The following ADAMTSL1 variants were observed in gnomAD, a reference collection of about 807,000 sequenced individuals.
ADAMTSL1 encodes ADAMTS like 1.
Under a neutral mutation model 201.8 loss-of-function variants are expected in ADAMTSL1, and 126 were observed. The observed-to-expected ratio is 0.62, with a 90% confidence interval of 0.54 to 0.72. ADAMTSL1 has a LOEUF of 0.72. Ranked by LOEUF, ADAMTSL1 falls within the 30% of genes least tolerant of loss-of-function variation. The pLI, the probability that ADAMTSL1 is intolerant of heterozygous loss-of-function variation, is 0.00. For synonymous variants in ADAMTSL1, 1,121 were observed against 903.4 expected, an observed-to-expected ratio of 1.24 and a Z score of -4.32; for missense variants, 2,679 against 2,277.8, an observed-to-expected ratio of 1.18 and a Z score of -3.59.
At chr9:18,042,000 T>C (rs10810891) in intron 1 of ADAMTSL1, among the ~76,000 whole-genome samples, 13,500 of 151,888 alleles carry the variant, frequency 0.089, 1,016 homozygotes, top group East Asian at 0.32. Flanking sequence ...ATATATTGTT[T>C]CCAGTCAGTT....
intron 16 of ADAMTSL1, among the ~76,000 whole-genome samples, chr9:18,768,285 C>A (rs1007888799): frequency 2.0e-5 from 3 of 152,284 alleles, no homozygotes; most frequent in African/African-American, 7.2e-5. Context: ...TGCAAGCACG[C>A]AGGAGTTGCT....
chr9:18,328,522 G>C (rs539262304), intron 2 of ADAMTSL1, among the ~76,000 whole-genome samples: 3 of 152,172 alleles, frequency 2.0e-5, no homozygotes, highest in African/African-American at 7.2e-5. Flanking sequence ...CCCATGTTTA[G>C]AGATGAGGAA....
At chr9:18,570,443 T>C (rs1395213194) in intron 3 of ADAMTSL1, among the ~76,000 whole-genome samples, 1 of 152,228 alleles carries the variant, frequency 6.6e-6, no homozygotes, top group Non-Finnish European at 1.5e-5. Flanking sequence ...TCAATGGATG[T>C]CTTAAACTAT....
At chr9:18,344,958 C>T (rs901361778) in intron 2 of ADAMTSL1, among the ~76,000 whole-genome samples, 2 of 152,246 alleles carry the variant, frequency 1.3e-5, no homozygotes, top group Non-Finnish European at 2.9e-5. Context: ...CTTTTGACAG[C>T]CCTGTGGATA....
chr9:18,758,114 C>A (rs909883210), intron 16 of ADAMTSL1, among the ~76,000 whole-genome samples: 1 of 152,198 alleles, frequency 6.6e-6, no homozygotes, highest in African/African-American at 2.4e-5. Context: ...CACTTGGCCT[C>A]TCTTGAGCCT....
intron 1 of ADAMTSL1, among the ~76,000 whole-genome samples, chr9:18,142,287 CA>C: frequency 6.6e-6 from 1 of 152,340 alleles, no homozygotes; most frequent in African/African-American, 2.4e-5. Flanking sequence ...AAGCAGCACC[CA>C]TATTCCTTTC....
At chr9:18,648,933 C>A (rs1430353667) in intron 7 of ADAMTSL1, among the ~76,000 whole-genome samples, 1 of 152,142 alleles carries the variant, frequency 6.6e-6, no homozygotes, top group Non-Finnish European at 1.5e-5. Flanking sequence ...GAATGTTGGC[C>A]TGCCTTGCTA....
intron 26 of ADAMTSL1, among the ~76,000 whole-genome samples, chr9:18,901,746 C>A (rs1217752167): frequency 6.6e-6 from 1 of 151,984 alleles, no homozygotes; most frequent in African/African-American, 2.4e-5. Flanking sequence ...GAGGGAATTA[C>A]AGGGGAAAGC....
rs1161505527 is a variant in ADAMTSL1 at position 18,236,882 on chromosome 9, G to A, written c.207+72901G>A. 1.3e-5 allele frequency among the ~76,000 whole-genome samples: 2 copies of A among 152,210 alleles called. 1 individual carries two copies. The highest frequency in any genetic ancestry group is 1.3e-4 in the Admixed American group (2 of 15,290). ...TGTCTTATCTTAAAGAAATACAAAGGATCTGGTTCAGGAAACTTCCAGATT... is the reference window on the plus strand; with the variant it reads ...TGTCTTATCTTAAAGAAATACAAAGAATCTGGTTCAGGAAACTTCCAGATT... On this transcript the variant is annotated intron_variant, in intron 2 of 29. Coordinates refer to the ADAMTSL1 transcript ENST00000680146.
At chr9:18,413,694 C>G (rs991296323) in intron 2 of ADAMTSL1, among the ~76,000 whole-genome samples, 1 of 152,148 alleles carries the variant, frequency 6.6e-6, no homozygotes, top group Non-Finnish European at 1.5e-5. Context: ...TTCAATTACA[C>G]CAGAGCCCAA....
chr9:18,148,311 A>T (rs1826745925), intron 1 of ADAMTSL1, among the ~76,000 whole-genome samples: 1 of 150,716 alleles, frequency 6.6e-6, no homozygotes, highest in African/African-American at 2.4e-5. Flanking sequence ...TTTGTTTAAC[A>T]TTCAGTCACC....
chr9:18,026,814 G>C (rs955436141), intron 1 of ADAMTSL1, among the ~76,000 whole-genome samples: 1 of 152,000 alleles, frequency 6.6e-6, no homozygotes, highest in Admixed American at 6.6e-5. Context: ...GGTAGAATTC[G>C]GCTGTGAATC....
At chr9:18,573,913 A>G (rs1822513755) in intron 3 of ADAMTSL1, 117 bp from the exon 4 acceptor site, 1 of 746,362 alleles carries the variant, frequency 1.3e-6, no homozygotes, top group South Asian at 1.8e-5. Context: ...TCCATCTATC[A>G]TGACCAGGAC....
At chr9:18,815,962 C>T (rs896399761) in intron 20 of ADAMTSL1, among the ~76,000 whole-genome samples, 1 of 151,952 alleles carries the variant, frequency 6.6e-6, no homozygotes, top group Non-Finnish European at 1.5e-5. Context: ...GGGTATTTGG[C>T]GTATCCAACA....
At chr9:18,438,823 A>C (rs1008508631) in intron 2 of ADAMTSL1, among the ~76,000 whole-genome samples, 2 of 152,064 alleles carry the variant, frequency 1.3e-5, no homozygotes, top group African/African-American at 4.8e-5. Context: ...CACAATTCTG[A>C]AAATGGAGAG....
rs181726426 is a variant in ADAMTSL1, at chr9:17,918,467, T to C, written c.87+11545T>C. Among the ~76,000 whole-genome samples the C allele has an allele frequency of 2.6e-5, 4 of 152,058 alleles. No individual in the cohort carries two copies. In the East Asian group the frequency reaches 5.8e-4, roughly 22 times the overall value. ...TGGGTATCTTTGTGTTATTGATTTC[T>C]AGTTTAATTGCAGTGTGATTAGATG... On this transcript the variant is annotated intron_variant, in intron 1 of 29. Transcript: ENST00000680146.
At chr9:18,556,876 C>A (rs954444004) in intron 3 of ADAMTSL1, among the ~76,000 whole-genome samples, 2 of 151,978 alleles carry the variant, frequency 1.3e-5, no homozygotes, top group African/African-American at 2.4e-5. Context: ...GGCCTTTAAC[C>A]TTCAGTTTGG....
Position 18,904,453 on chromosome 9 carries a change from G to A in ADAMTSL1, c.4852-1329G>A, listed in dbSNP as rs1347614799. ...CACTGCACTCTAGCCTGGTGACAGT[G>A]AGACTCCATCTGAGAAAAAGAAAAA... is the stretch of plus-strand genomic sequence containing the variant. On this transcript the variant is annotated intron_variant, in intron 26 of 28. Coordinates refer to ENST00000380548, the MANE Select transcript of ADAMTSL1 (RefSeq NM_001040272.6). Among the ~76,000 whole-genome samples, 4 of 151,094 alleles carry A rather than the reference G, an allele frequency of 2.6e-5. No homozygotes were observed. In the South Asian group the frequency reaches 6.3e-4, roughly 24 times the overall value.
chr9:18,302,849 C>T (rs763619860), intron 2 of ADAMTSL1, among the ~76,000 whole-genome samples: 6 of 152,086 alleles, frequency 3.9e-5, no homozygotes, highest in Non-Finnish European at 7.3e-5. Context: ...TAAAATGTTA[C>T]CGAAGGCTTT....
Sources: gnomAD v4.1 joint callset for allele counts (sites outside exome capture counted in the v4.1 genomes callset) on GRCh38, gnomAD v4.1.1 for gene constraint, MANE v1.5 for transcripts, NCBI Gene and HGNC (gene_info 2026-07-23, HGNC 2026-07-21) for gene names.